SHROOM3: variants seen among roughly 807,000 people sequenced by gnomAD.
SHROOM3 encodes the protein shroom family member 3, also known as protein Shroom3.
SHROOM3 carries 47 observed loss-of-function variants against 138.6 expected under a neutral mutation model. The ratio of observed to expected loss-of-function variants is 0.34; its 90% CI spans 0.27 to 0.43. SHROOM3 has a LOEUF of 0.43. SHROOM3 is among the 20% of genes least tolerant of loss of function. The pLI is 1.00. For missense variants in SHROOM3, 2,491 were observed against 2,596.5 expected, an observed-to-expected ratio of 0.96 and a Z score of 0.88; for synonymous variants, 1,062 against 1,063.3, an observed-to-expected ratio of 1.00 and a Z score of 0.02.
intron 1 of SHROOM3, among the ~76,000 whole-genome samples, chr4:76,466,999 A>T (rs1366285680): frequency 6.6e-6 from 1 of 151,174 alleles, no homozygotes; most frequent in Non-Finnish European, 1.5e-5. Flanking sequence ...CTTGTGCTGG[A>T]TGCTTTTTAT....
chr4:76,511,716 G>A (rs1239869808), intron 1 of SHROOM3, among the ~76,000 whole-genome samples: 1 of 152,182 alleles, frequency 6.6e-6, no homozygotes, highest in Non-Finnish European at 1.5e-5. Context: ...ACACCCATGT[G>A]TTGCCAGTCT....
intron 1 of SHROOM3, among the ~76,000 whole-genome samples, chr4:76,518,889 A>G (rs1321671578): frequency 1.3e-5 from 2 of 152,216 alleles, no homozygotes; most frequent in Non-Finnish European, 2.9e-5. Flanking sequence ...GCGCAAGGGC[A>G]TAGAGATTAC....
At chr4:76,751,624 A>AT (rs1721625547) in intron 6 of SHROOM3, among the ~76,000 whole-genome samples, 1 of 152,202 alleles carries the variant, frequency 6.6e-6, no homozygotes, top group African/African-American at 2.4e-5. Context: ...AATTTCAAAC[A>AT]TAAAAATTTA....
At chr4:76,748,596 A>C (rs2110139687) in intron 5 of SHROOM3, among the ~76,000 whole-genome samples, 1 of 152,310 alleles carries the variant, frequency 6.6e-6, no homozygotes, top group East Asian at 1.9e-4. Flanking sequence ...GATTTTTGCA[A>C]AATGTAATAG....
At chr4:76,580,238 A>G (rs2110043013) in intron 2 of SHROOM3, among the ~76,000 whole-genome samples, 1 of 152,178 alleles carries the variant, frequency 6.6e-6, no homozygotes, top group East Asian at 1.9e-4. Flanking sequence ...TCTGGCTGGG[A>G]GAGGCGTGGC....
intron 2 of SHROOM3, among the ~76,000 whole-genome samples, chr4:76,583,266 G>T (rs750135632): frequency 8.5e-5 from 13 of 152,166 alleles, no homozygotes; most frequent in Non-Finnish European, 1.9e-4. Context: ...ATCATCTCCA[G>T]ACTTGAGGAC....
At chr4:76,532,791 C>T (rs1320077733) in intron 1 of SHROOM3, among the ~76,000 whole-genome samples, 1 of 152,040 alleles carries the variant, frequency 6.6e-6, no homozygotes, top group Non-Finnish European at 1.5e-5. Flanking sequence ...TTTACTTCAC[C>T]ATACTTTATG....
chr4:76,441,356 G>T (rs1288448895), intron 1 of SHROOM3, among the ~76,000 whole-genome samples: 2 of 152,098 alleles, frequency 1.3e-5, no homozygotes, highest in Non-Finnish European at 2.9e-5. Flanking sequence ...GCCTCCCAAA[G>T]TGTTGGGATT....
At chr4:76,639,423 G>C (rs1475551734) in intron 2 of SHROOM3, 1 of 395,206 alleles carries the variant, frequency 2.5e-6, no homozygotes, top group Non-Finnish European at 4.5e-6. Context: ...AGTTGGCTGG[G>C]AGGTGCACCT....
intron 2 of SHROOM3, among the ~76,000 whole-genome samples, chr4:76,641,130 A>T (rs547022804): frequency 6.6e-6 from 1 of 152,330 alleles, no homozygotes; most frequent in African/African-American, 2.4e-5. Flanking sequence ...AAATATTTAA[A>T]GTAAAGCCAA....
chr4:76,519,461 C>T (rs76558920), intron 1 of SHROOM3, among the ~76,000 whole-genome samples: 2,561 of 152,240 alleles, frequency 0.017, 57 homozygotes, highest in African/African-American at 0.051. Context: ...ATTATGCAAT[C>T]AATTCAGCCT....
At chr4:76,689,662 CGAGCAGCCCGG>C (rs1461328284) in intron 2 of SHROOM3, 11 of 985,196 alleles carry the variant, frequency 1.1e-5, no homozygotes, top group African/African-American at 1.7e-5. Context: ...CCTGGAGCCC[CGAGCAGCCCGG>C]GGGCGGCGGC....
chr4:76,566,430 C>T (rs1733727540), intron 2 of SHROOM3, among the ~76,000 whole-genome samples: 1 of 152,144 alleles, frequency 6.6e-6, no homozygotes, highest in Admixed American at 6.5e-5. Context: ...CATCAGCCCC[C>T]ATGTTTCAAA....
At chr4:76,546,781 T>C (rs1435256069) in intron 1 of SHROOM3, among the ~76,000 whole-genome samples, 3 of 152,200 alleles carry the variant, frequency 2.0e-5, no homozygotes, top group Admixed American at 6.5e-5. Flanking sequence ...TTGTAGGTTA[T>C]GTTGCATTAA....
chr4:76,466,084 A>G (rs1350405545), intron 1 of SHROOM3, among the ~76,000 whole-genome samples: 3 of 152,140 alleles, frequency 2.0e-5, no homozygotes, highest in Non-Finnish European at 4.4e-5. Context: ...TTCCTGCTTT[A>G]TGTTATAAAG....
At chr4:76,574,870 G>A (rs1370192595) in intron 2 of SHROOM3, among the ~76,000 whole-genome samples, 1 of 152,164 alleles carries the variant, frequency 6.6e-6, no homozygotes, top group Non-Finnish European at 1.5e-5. Flanking sequence ...TTTCAGTTCT[G>A]CGAGATGAAA....
chr4:76,477,846 C>T (rs1296123229), intron 1 of SHROOM3, among the ~76,000 whole-genome samples: 1 of 152,154 alleles, frequency 6.6e-6, no homozygotes, highest in Admixed American at 6.5e-5. Context: ...CAGGGTGGGG[C>T]ATCGCCTCAC....
intron 2 of SHROOM3, among the ~76,000 whole-genome samples, chr4:76,607,826 A>T (rs1330149877): frequency 6.6e-6 from 1 of 152,208 alleles, no homozygotes; most frequent in East Asian, 1.9e-4. Context: ...AGCCCCTGGT[A>T]ATCCATGGAA....
At chr4:76,551,195 G>A (rs1056021931) in intron 1 of SHROOM3, among the ~76,000 whole-genome samples, 1 of 151,874 alleles carries the variant, frequency 6.6e-6, no homozygotes, top group Non-Finnish European at 1.5e-5. Context: ...AGTGCAAAAC[G>A]AAGAGATTGT....
Sources: gnomAD v4.1 joint callset for allele counts (sites outside exome capture counted in the v4.1 genomes callset) on GRCh38, gnomAD v4.1.1 for gene constraint, MANE v1.5 for transcripts, NCBI Gene and HGNC (gene_info 2026-07-23, HGNC 2026-07-21) for gene names.